Variants in ZNF483 observed in about 807,000 individuals in gnomAD.
ZNF483 encodes the protein zinc finger protein HIT-10.
A neutral mutation model predicts 28.6 loss-of-function variants in ZNF483; 9 were observed. The ratio of observed to expected loss-of-function variants is 0.32; its 90% CI spans 0.19 to 0.55. The LOEUF is 0.55. Among genes scored for constraint, ZNF483 ranks in the 20% least tolerant of loss-of-function variants. The probability of loss-of-function intolerance (pLI) is 0.93; values close to 1 mark genes in which losing one functional copy is unlikely to be tolerated. For synonymous variants in ZNF483, 322 were observed against 306.2 expected, an observed-to-expected ratio of 1.05 and a Z score of -0.54; for missense variants, 675 against 871.7, an observed-to-expected ratio of 0.77 and a Z score of 2.84.
chr9:111,562,955 C>A, intron 5 of ZNF483: 1 of 1,392,838 alleles, frequency 7.2e-7, no homozygotes, highest in Non-Finnish European at 9.3e-7. Context: ...AACTTCCATC[C>A]TCCATCACTA....
At position 111,526,911 on chromosome 9, in the gene ZNF483, C is replaced by T. The variant is rs796358442; in HGVS notation, c.-128-357C>T. Among the ~76,000 whole-genome samples the T allele has an allele frequency of 1.2e-4, 18 of 152,188 alleles. 2 individuals are homozygous for T. Among genetic ancestry groups the T allele is most frequent in the African/African-American group, 4.3e-4 (18 of 41,532 alleles). The stretch of plus-strand genomic sequence containing the variant: ...AGTCAGGAGTTCAAGACTAGCCTGG[C>T]CAACATGGCGAAACCCCGTCTCTAC... On this transcript the variant is annotated intron_variant, in intron 1 of 5. Coordinates refer to ENST00000309235, the MANE Select transcript of ZNF483 (RefSeq NM_133464.5).
chr9:111,538,448 C>A (rs1223452490), intron 5 of ZNF483, among the ~76,000 whole-genome samples: 1 of 151,430 alleles, frequency 6.6e-6, no homozygotes, highest in Non-Finnish European at 1.5e-5. Context: ...TATAATCATG[C>A]CACTGTACTC....
At chr9:111,539,119 A>G (rs1216589823) in intron 5 of ZNF483, among the ~76,000 whole-genome samples, 2 of 148,662 alleles carry the variant, frequency 1.3e-5, no homozygotes, top group Admixed American at 1.3e-4. Context: ...TCTCAAAAAA[A>G]AAAAAAAAAA....
chr9:111,542,998 A>G lies in ZNF483; in HGVS notation c.2063A>G (p.Glu688Gly), dbSNP rs1423555311. 2 of 1,614,218 alleles carry G rather than the reference A, an allele frequency of 1.2e-6. No individual in the cohort carries two copies. The highest frequency in any genetic ancestry group is 1.7e-6 in the Non-Finnish European group (2 of 1,180,028). ...GAGCACCACCGAATTCATACAGGAG[A>G]GAAACCCTATGAGTGTAACTATTGT... ...LNEHHRIHTG[E>G]KPYECNYCGA... Residue 688 changes from glutamate (E) to glycine (G), a missense_variant, in exon 6 of 6, where the codon GAG (glutamate) becomes GGG (glycine). Glu to Gly is a moderately conservative substitution (Grantham distance 98). Transcript: ENST00000309235. The surrounding 1 kb of genome is among the most constrained non-coding windows in gnomAD (Gnocchi z 6.2).
Position 111,545,617 on chromosome 9 carries a change from T to G in ZNF483, c.*2447T>G, listed in dbSNP as rs547190180. Among the ~76,000 whole-genome samples, 1 of 152,244 alleles carries G rather than the reference T, an allele frequency of 6.6e-6. No individual in the cohort carries two copies. The highest frequency in any genetic ancestry group is 6.5e-5 in the Admixed American group (1 of 15,288). On this transcript the variant is annotated 3_prime_UTR_variant, in exon 6 of 6. Transcript: ENST00000309235. The stretch of plus-strand genomic sequence containing the variant: ...CCAGGCACCCACTACTCAGTCGACT[T>G]TGTGTCTCTAGAGTTGTCTTTTTCT...
At chr9:111,541,130 C>T (rs1185688130) in intron 5 of ZNF483, among the ~76,000 whole-genome samples, 1 of 144,510 alleles carries the variant, frequency 6.9e-6, no homozygotes, top group Non-Finnish European at 1.5e-5. Context: ...TGCTCTGTTG[C>T]CTAGGCTGGA....
chr9:111,533,634 ACT>A, intron 3 of ZNF483, 103 bp from the exon 4 acceptor site: 3 of 1,187,036 alleles, frequency 2.5e-6, no homozygotes, highest in Non-Finnish European at 3.4e-6. Context: ...GCACCACTGC[ACT>A]CTAACACGGG....
downstream of ZNF483, among the ~76,000 whole-genome samples, chr9:111,556,036 AC>A (rs1828111836): frequency 6.6e-6 from 1 of 152,246 alleles, no homozygotes; most frequent in South Asian, 2.1e-4. Context: ...CAAGTCAAAA[AC>A]AAGTTAGTTA....
chr9:111,573,453 C>T (rs1589302562), intron 5 of ZNF483, among the ~76,000 whole-genome samples: 1 of 152,126 alleles, frequency 6.6e-6, no homozygotes, highest in Non-Finnish European at 1.5e-5. Flanking sequence ...ACCAGTGGGG[C>T]TATAAGGTTT....
At chr9:111,563,079 C>G in intron 5 of ZNF483, 1 of 1,600,794 alleles carries the variant, frequency 6.2e-7, no homozygotes, top group South Asian at 1.1e-5. Flanking sequence ...AACAAATTAA[C>G]TAATCATCTA....
intron 5 of ZNF483, among the ~76,000 whole-genome samples, chr9:111,536,763 A>G (rs949280007): frequency 1.1e-4 from 16 of 151,980 alleles, no homozygotes; most frequent in African/African-American, 3.9e-4. Flanking sequence ...CTCCAAAAAC[A>G]TAACTACTAA....
rs1827812855 is a variant in ZNF483, at chr9:111,546,595, A to T, written c.*3425A>T. ...GTTTCCTCTTAATGAGCGTGTATAA[A>T]TTTTTTTCATGTCACAGGACAAGGC... On this transcript the variant is annotated 3_prime_UTR_variant, in exon 6 of 6. Coordinates refer to ENST00000309235, the MANE Select transcript of ZNF483 (RefSeq NM_133464.5). Among the ~76,000 whole-genome samples, 1 of 152,098 alleles carries T rather than the reference A, an allele frequency of 6.6e-6. No homozygotes were observed. Among genetic ancestry groups the T allele is most frequent in the Admixed American group, 6.6e-5 (1 of 15,264 alleles).
chr9:111,532,916 A>AG (rs1250328176), intron 3 of ZNF483, among the ~76,000 whole-genome samples: 2 of 152,156 alleles, frequency 1.3e-5, no homozygotes, highest in African/African-American at 4.8e-5. Context: ...CTCAAAAAAA[A>AG]AAAAAGAAAA....
rs1465936563 is a variant in ZNF483, at chr9:111,552,890, G to A, written c.*9720G>A. ...TTTCATTGACGTTTTCAGTTTTCAT[G>A]AATGTCTTTTAAGGTCTTTTCCTCA... On this transcript the variant is annotated 3_prime_UTR_variant, in exon 6 of 6. Coordinates refer to ENST00000309235, the MANE Select transcript of ZNF483 (RefSeq NM_133464.5). Among the ~76,000 whole-genome samples, 1 of 152,114 alleles carries A rather than the reference G, an allele frequency of 6.6e-6. No individual in the cohort carries two copies. The highest frequency in any genetic ancestry group is 6.5e-5 in the Admixed American group (1 of 15,272).
chr9:111,557,435 C>T (rs1206994760), downstream of ZNF483, among the ~76,000 whole-genome samples: 1 of 106,816 alleles, frequency 9.4e-6, no homozygotes. Context: ...AACAGGAAAA[C>T]TCATTATCTT....
At chr9:111,533,973 C>T in intron 4 of ZNF483, 108 bp downstream of exon 4, 1 of 1,361,158 alleles carries the variant, frequency 7.3e-7, no homozygotes, top group African/African-American at 1.5e-5. Context: ...GGCTGGGGAC[C>T]CAGGGACTGA....
intron 5 of ZNF483, among the ~76,000 whole-genome samples, chr9:111,540,762 T>TG (rs1409071532): frequency 1.2e-4 from 19 of 152,146 alleles, no homozygotes; most frequent in Admixed American, 8.5e-4. Flanking sequence ...TTGTTTGCTT[T>TG]GGGGAGAGGT....
Position 111,552,947 on chromosome 9 carries a change from C to A in ZNF483, c.*9777C>A, listed in dbSNP as rs564787423. On this transcript the variant is annotated 3_prime_UTR_variant, in exon 6 of 6. Transcript: ENST00000309235. ...TCTAAATACGATAAAGTGATAATTT[C>A]TTCATCTCTCCATCTAAGGTTCTTT... 6.6e-5 allele frequency among the ~76,000 whole-genome samples: 10 copies of A among 152,164 alleles called. No individual in the cohort carries two copies. In the East Asian group the frequency reaches 1.9e-3, roughly 29 times the overall value.
At position 111,530,812 on chromosome 9, in the gene ZNF483, TATAA is replaced by T. The variant is rs57427979; in HGVS notation, c.413-62_413-59del. On this transcript the variant is annotated intron_variant, in intron 2 of 5. Transcript: ENST00000309235. ...ATATATATATATATACATATATATA[TATAA>T]GATTTTTAGTCTGAGGAATCTGTAT... The T allele has an allele frequency of 2.3e-3, 408 of 178,718 alleles. 11 individuals are homozygous for T. The highest frequency in any genetic ancestry group is 3.4e-3 in the African/African-American group (101 of 29,780). The allele number at this position is 178,718 out of a possible 1,614,324, so 11.1% of individuals were successfully genotyped here. A position where few individuals can be genotyped will look rare whatever the true frequency, so the allele number is the denominator to read the frequency against.
Sources: allele counts gnomAD v4.1 joint callset (sites outside exome capture counted in the v4.1 genomes callset), GRCh38; gene constraint gnomAD v4.1.1; non-coding constraint Gnocchi (gnomAD v3.1); transcripts MANE v1.5; gene names NCBI Gene and HGNC (gene_info 2026-07-23, HGNC 2026-07-21).